Variants in PRTG observed in about 807,000 individuals in gnomAD.
The protein encoded by PRTG is immunoglobulin superfamily, DCC subclass, member 5.
In PRTG, 67 loss-of-function variants were observed where a neutral mutation model predicts 122.5. That is an observed-to-expected ratio of 0.55 (90% CI 0.45 to 0.67). The LOEUF is 0.67. Among genes scored for constraint, PRTG ranks in the 30% least tolerant of loss-of-function variants. The pLI, the probability that PRTG is intolerant of heterozygous loss-of-function variation, is 0.00. For missense variants in PRTG, 1,435 were observed against 1,415.4 expected (o/e 1.01, Z -0.22); for synonymous variants, 554 against 501.1 (o/e 1.11, Z -1.41).
Position 55,618,240 on chromosome 15 carries a change from A to T in PRTG, c.*1772T>A, listed in dbSNP as rs766865. ...ACAAAATTACAGATTTAAAAAAATT[A>T]AAAATGTTATATCTACAGTCATTAG... On this transcript the variant is annotated 3_prime_UTR_variant, in exon 20 of 20. Coordinates refer to ENST00000389286, the MANE Select transcript of PRTG (RefSeq NM_173814.6). 0.28 allele frequency: 42,148 copies of T among 152,094 alleles called. 8,260 individuals carry two copies. The highest frequency in any genetic ancestry group is 0.95 in the East Asian group (4,890 of 5,174). The allele number at this position is 152,094 out of a possible 1,614,324, so 9.4% of individuals were successfully genotyped here.
chr15:55,723,752 C>CTTTTTTTTTT (rs769469226), intron 2 of PRTG, among the ~76,000 whole-genome samples: 13 of 127,092 alleles, frequency 1.0e-4, no homozygotes, highest in South Asian at 2.5e-4. Flanking sequence ...TTTCTTTTTT[C>CTTTTTTTTTT]TTTTTTTTTT....
At position 55,620,701 on chromosome 15, in the gene PRTG, A is replaced by C. The variant is rs199988322; in HGVS notation, c.3160T>G (p.Phe1054Val). Residue 1054 changes from phenylalanine (F) to valine (V), a missense_variant, in exon 19 of 20, where the codon TTT (phenylalanine) becomes GTT (valine). Coordinates refer to ENST00000389286, the MANE Select transcript of PRTG (RefSeq NM_173814.6). Reference sequence around the variant, plus strand: ...ATCTTCTTTGAGTCTTGGAAAAAAAACCACTTTTTCTTAGAGTTGTTTTTA... The same window carrying C: ...ATCTTCTTTGAGTCTTGGAAAAAAACCCACTTTTTCTTAGAGTTGTTTTTA... ...IIKNNSKKKW[F>V]FFQDSKKIQV... 1.8e-4 allele frequency: 283 copies of C among 1,602,290 alleles called. 9 individuals carry two copies. Among genetic ancestry groups the C allele is most frequent in the South Asian group, 1.2e-3 (101 of 87,514 alleles).
intron 2 of PRTG, among the ~76,000 whole-genome samples, chr15:55,705,260 T>G (rs2030055630): frequency 6.6e-6 from 1 of 152,086 alleles, no homozygotes; most frequent in Admixed American, 6.6e-5. Context: ...GCCTTGTGAG[T>G]CTATTCTCCC....
chr15:55,740,309 T>C (rs2031567005), intron 2 of PRTG, 73 bp downstream of exon 2: 13 of 1,364,260 alleles, frequency 9.5e-6, no homozygotes, highest in Middle Eastern at 3.7e-4. Flanking sequence ...GGGGGATTAT[T>C]ATATTAATAA....
rs2059270917 is a variant in PRTG, at chr15:55,638,564, A to C, written c.2437T>G (p.Ser813Ala). 6.2e-7 allele frequency: 1 copy of C among 1,610,302 alleles called. No individual in the cohort carries two copies. Among genetic ancestry groups the C allele is most frequent in the African/African-American group, 1.3e-5 (1 of 74,724 alleles). The change falls in exon 14 of 20, where the codon TCT becomes GCT. Residue 813 changes from serine to alanine, a missense_variant. By Grantham distance (99) the Ser-to-Ala change is moderately conservative (BLOSUM62 1). Coordinates refer to ENST00000389286, the MANE Select transcript of PRTG (RefSeq NM_173814.6). ...TTTTCTTTACCTTCTGGAAGAGTAG[A>C]ATGGTAGACTACAGGGCTCCAAGGA... ...SSPWSPVVYH[S>A]TLPEAPAGPP...
intron 2 of PRTG, among the ~76,000 whole-genome samples, chr15:55,697,651 C>T (rs757628595): frequency 3.3e-5 from 5 of 152,086 alleles, no homozygotes; most frequent in African/African-American, 7.2e-5. Flanking sequence ...TACACCACAC[C>T]CAGCCACTTT....
At chr15:55,741,893 A>G (rs1399863057) in intron 1 of PRTG, among the ~76,000 whole-genome samples, 1 of 152,190 alleles carries the variant, frequency 6.6e-6, no homozygotes, top group Non-Finnish European at 1.5e-5. Flanking sequence ...TTCAAGCCTA[A>G]CAGAAACTAA....
chr15:55,633,694 A>G (rs544011711), intron 15 of PRTG, among the ~76,000 whole-genome samples: 24 of 152,194 alleles, frequency 1.6e-4, no homozygotes, highest in Admixed American at 5.2e-4. Context: ...TTTAAATGCC[A>G]TGTTATATTC....
chr15:55,620,917 G>A, intron 18 of PRTG, 150 bp from the exon 19 acceptor site: 1 of 706,084 alleles, frequency 1.4e-6, no homozygotes, highest in Non-Finnish European at 2.2e-6. Flanking sequence ...ACATGTGCAT[G>A]TTTGTTACAT....
At position 55,682,543 on chromosome 15, in the gene PRTG, A is replaced by ATTTT. The variant is rs201391029; in HGVS notation, c.543-50_543-47dup. 2,226 of 415,670 alleles carry ATTTT rather than the reference A, an allele frequency of 5.4e-3. 91 individuals are homozygous for ATTTT. Among genetic ancestry groups the ATTTT allele is most frequent in the East Asian group, 0.04 (835 of 21,084 alleles). 25.7% of individuals were successfully genotyped at this position (415,670 alleles called of 1,614,324 possible). The stretch of plus-strand genomic sequence containing the variant: ...TTAAACTTTTTGTAGTAGATTTCAT[A>ATTTT]TTTTATTTATTTATTTATTTATTTA... On this transcript the variant is annotated intron_variant, in intron 3 of 19. Transcript: ENST00000389286.
At chr15:55,679,809 G>A in intron 6 of PRTG, 4 of 489,768 alleles carry the variant, frequency 8.2e-6, no homozygotes. Flanking sequence ...AGGTGTGATG[G>A]AGATAGAAGG....
intron 2 of PRTG, among the ~76,000 whole-genome samples, chr15:55,688,887 A>T (rs947342202): frequency 6.6e-6 from 1 of 152,130 alleles, no homozygotes; most frequent in Non-Finnish European, 1.5e-5. Flanking sequence ...GTCCAAAATG[A>T]AGTGATCTTC....
At position 55,687,308 on chromosome 15, in the gene PRTG, A is replaced by G. The variant is rs1012895052; in HGVS notation, c.398-3377T>C. The stretch of plus-strand genomic sequence containing the variant: ...ACTGGCATTTTTTTTAGAGACAAAA[A>G]TCTATCCCTCCCATACCAAAGGATT... On this transcript the variant is annotated intron_variant, in intron 2 of 19. Coordinates refer to ENST00000389286, the MANE Select transcript of PRTG (RefSeq NM_173814.6). Among the ~76,000 whole-genome samples the G allele has an allele frequency of 2.6e-5, 4 of 152,174 alleles. No individual in the cohort carries two copies. In the East Asian group the frequency reaches 5.8e-4, roughly 22 times the overall value.
intron 2 of PRTG, among the ~76,000 whole-genome samples, chr15:55,709,574 T>C (rs2030298529): frequency 1.3e-5 from 2 of 152,038 alleles, no homozygotes; most frequent in South Asian, 4.1e-4. Context: ...CAATGACTTA[T>C]ACATGAATAT....
intron 15 of PRTG, among the ~76,000 whole-genome samples, chr15:55,631,524 A>G (rs1376135600): frequency 1.3e-5 from 2 of 152,310 alleles, no homozygotes; most frequent in Middle Eastern, 3.4e-3. Flanking sequence ...CCCTATGAGG[A>G]CACTCAAAGC....
In PRTG at chr15:55,639,621, CCATT is replaced by C. The variant is rs1567078954; in HGVS notation, c.2324+17_2324+20del. 3 of 1,604,742 alleles carry C rather than the reference CCATT, an allele frequency of 1.9e-6. No homozygotes were observed. Among genetic ancestry groups the C allele is most frequent in the Non-Finnish European group, 2.6e-6 (3 of 1,173,036 alleles). On this transcript the variant is annotated intron_variant, in intron 13 of 19. Transcript: ENST00000389286. ...GTGGTGAGGTAAGCAAAGAAAATAA[CCATT>C]AACAGGAGCTACATACGTTTGAAGG...
chr15:55,663,572 G>A (rs1449108404), intron 11 of PRTG, among the ~76,000 whole-genome samples: 2 of 148,254 alleles, frequency 1.3e-5, no homozygotes, highest in Admixed American at 6.8e-5. Context: ...ACAAAGTTTC[G>A]CTCTCGTTGC....
intron 4 of PRTG, chr15:55,681,397 G>T (rs1595646013): frequency 6.6e-6 from 1 of 151,992 alleles, no homozygotes; most frequent in Middle Eastern, 3.4e-3. Flanking sequence ...TTCAGTCCAG[G>T]TTTTCTTCTA....
intron 2 of PRTG, among the ~76,000 whole-genome samples, chr15:55,704,933 T>A (rs2030041812): frequency 6.6e-6 from 1 of 152,198 alleles, no homozygotes; most frequent in African/African-American, 2.4e-5. Flanking sequence ...CATAATGATG[T>A]CTTTTAATAT....
Sources: allele counts gnomAD v4.1 joint callset (sites outside exome capture counted in the v4.1 genomes callset), GRCh38; gene constraint gnomAD v4.1.1; transcripts MANE v1.5; gene names NCBI Gene and HGNC (gene_info 2026-07-23, HGNC 2026-07-21).